Variants in TMEM117 observed in about 807,000 individuals in gnomAD.
TMEM117 encodes transmembrane protein 117.
Under a neutral mutation model 52.4 loss-of-function variants are expected in TMEM117, and 27 were observed. That is an observed-to-expected ratio of 0.51 (90% CI 0.38 to 0.71). The LOEUF (loss-of-function observed/expected upper bound fraction) is 0.71. Among genes scored for constraint, TMEM117 ranks in the 30% least tolerant of loss-of-function variants. The pLI, the probability that TMEM117 is intolerant of heterozygous loss-of-function variation, is 0.00. For synonymous variants in TMEM117, 215 were observed against 206.3 expected, an observed-to-expected ratio of 1.04 and a Z score of -0.36; for missense variants, 556 against 630.5, an observed-to-expected ratio of 0.88 and a Z score of 1.26.
At chr12:43,817,291 C>G in the TMEM117 span, among the ~76,000 whole-genome samples, 3 of 152,114 alleles carry the variant, frequency 2.0e-5, no homozygotes, top group African/African-American at 7.2e-5. Flanking sequence ...TATATTTCTG[C>G]TATAAGAGTT....
chr12:44,359,040 A>G (rs1310272483), intron 6 of TMEM117, among the ~76,000 whole-genome samples: 1 of 152,190 alleles, frequency 6.6e-6, no homozygotes, highest in South Asian at 2.1e-4. Flanking sequence ...AGACATTGAA[A>G]GAAGGCAGGT....
chr12:44,314,499 T>G (rs979675311), intron 6 of TMEM117, among the ~76,000 whole-genome samples: 1 of 151,078 alleles, frequency 6.6e-6, no homozygotes, highest in African/African-American at 2.5e-5. Flanking sequence ...CATTTGGCAG[T>G]TTTTTTTCTT....
intron 4 of TMEM117, among the ~76,000 whole-genome samples, chr12:44,177,690 C>T (rs570760508): frequency 6.6e-6 from 1 of 152,118 alleles, no homozygotes; most frequent in Non-Finnish European, 1.5e-5. Flanking sequence ...TGGGTATGAA[C>T]TGATTAAAAT....
intron 4 of TMEM117, among the ~76,000 whole-genome samples, chr12:44,195,393 C>T (rs1949405322): frequency 6.6e-6 from 1 of 152,106 alleles, no homozygotes; most frequent in South Asian, 2.1e-4. Flanking sequence ...TTTTAAAGGA[C>T]TCATATGAGT....
At chr12:43,848,017 C>T (rs893226106) in intron 2 of TMEM117, among the ~76,000 whole-genome samples, 7 of 151,834 alleles carry the variant, frequency 4.6e-5, no homozygotes, top group Admixed American at 6.6e-5. Flanking sequence ...TCAAAAGGGG[C>T]GGGGGTGTAA....
chr12:44,003,244 A>G (rs1466673258), intron 3 of TMEM117, among the ~76,000 whole-genome samples: 6 of 152,184 alleles, frequency 3.9e-5, no homozygotes, highest in Non-Finnish European at 7.3e-5. Flanking sequence ...TTGGGAGTGG[A>G]GAAAAACCTA....
intron 3 of TMEM117, among the ~76,000 whole-genome samples, chr12:43,959,947 C>T (rs2137659875): frequency 6.6e-6 from 1 of 152,140 alleles, no homozygotes; most frequent in Non-Finnish European, 1.5e-5. Flanking sequence ...AAAGAATGGA[C>T]GACTGGGAAA....
chr12:44,110,240 C>G (rs1162760165), intron 3 of TMEM117, among the ~76,000 whole-genome samples: 1 of 149,824 alleles, frequency 6.7e-6, no homozygotes, highest in African/African-American at 2.5e-5. Context: ...ACTTCCAACA[C>G]TATGTTGAAT....
At chr12:44,292,493 CTTTGGCATTAG>C (rs2138624137) in intron 5 of TMEM117, among the ~76,000 whole-genome samples, 1 of 152,010 alleles carries the variant, frequency 6.6e-6, no homozygotes, top group East Asian at 1.9e-4. Flanking sequence ...CTTCTACTAA[CTTTGGCATTAG>C]TTTAGTTTGT....
chr12:44,224,470 A>ATT (rs565645026), intron 5 of TMEM117, among the ~76,000 whole-genome samples: 15,230 of 147,436 alleles, frequency 0.1, 867 homozygotes, highest in Middle Eastern at 0.2. Context: ...ATGAGTAATG[A>ATT]TTTTTTTTTT....
Position 44,117,344 on chromosome 12 carries a change from G to GTTT in TMEM117, c.411-26174_411-26172dup, listed in dbSNP as rs148021933. On this transcript the variant is annotated intron_variant, in intron 3 of 7. Coordinates refer to ENST00000266534, the MANE Select transcript of TMEM117 (RefSeq NM_032256.3). ...AGCTTTATCTAATCCATAGCATACT[G>GTTT]TTTTTTTTTCTTTAATTGTAGCATT... is the stretch of plus-strand genomic sequence containing the variant. Among the ~76,000 whole-genome samples the GTTT allele has an allele frequency of 2.0e-3, 300 of 151,144 alleles. 7 individuals are homozygous for GTTT. The East Asian group carries it at 0.035, about 18-fold the overall frequency.
intron 6 of TMEM117, chr12:44,376,334 C>A (rs1031855253): frequency 2.4e-6 from 1 of 425,282 alleles, no homozygotes; most frequent in Non-Finnish European, 4.3e-6. Flanking sequence ...TGTGTAGATG[C>A]AAATCAATTC....
chr12:43,908,312 C>A (rs1944429775), intron 2 of TMEM117, among the ~76,000 whole-genome samples: 1 of 68,404 alleles, frequency 1.5e-5, no homozygotes, highest in African/African-American at 3.0e-5. Flanking sequence ...ATTTTGTCAC[C>A]ATCAGGCCTG....
intron 1 of TMEM117, 66 bp from the exon 2 acceptor site, chr12:43,844,558 C>A (rs778693194): frequency 1.2e-5 from 16 of 1,373,274 alleles, no homozygotes; most frequent in Non-Finnish European, 1.6e-5. Flanking sequence ...TAAACCTGAA[C>A]TGATAAAAAG....
chr12:44,334,388 A>G (rs1951311730), intron 6 of TMEM117, among the ~76,000 whole-genome samples: 1 of 152,056 alleles, frequency 6.6e-6, no homozygotes, highest in Non-Finnish European at 1.5e-5. Context: ...AAGCAAAGCT[A>G]TGTGACTTAA....
intron 6 of TMEM117, among the ~76,000 whole-genome samples, chr12:44,374,119 C>T (rs1375675828): frequency 6.6e-6 from 1 of 152,032 alleles, no homozygotes; most frequent in Non-Finnish European, 1.5e-5. Flanking sequence ...ACCACATGTT[C>T]TGCAAAACAT....
At chr12:44,091,471 T>C (rs1442343224) in intron 3 of TMEM117, among the ~76,000 whole-genome samples, 1 of 152,206 alleles carries the variant, frequency 6.6e-6, no homozygotes, top group Non-Finnish European at 1.5e-5. Context: ...CTGTTGAGTT[T>C]TGCCATTTAA....
chr12:44,253,318 T>G (rs1950217722), intron 5 of TMEM117, among the ~76,000 whole-genome samples: 2 of 152,168 alleles, frequency 1.3e-5, no homozygotes, highest in Admixed American at 6.5e-5. Context: ...GCTAAAATTT[T>G]CACCATATTT....
the TMEM117 span, among the ~76,000 whole-genome samples, chr12:43,808,135 AAGAGG>A: frequency 6.6e-6 from 1 of 152,236 alleles, no homozygotes; most frequent in Non-Finnish European, 1.5e-5. Context: ...GTATGCAGAT[AAGAGG>A]GTTTATTATA....
Sources: gnomAD v4.1 joint callset for allele counts (sites outside exome capture counted in the v4.1 genomes callset) on GRCh38, gnomAD v4.1.1 for gene constraint, MANE v1.5 for transcripts, NCBI Gene and HGNC (gene_info 2026-07-23, HGNC 2026-07-21) for gene names.